ADCK1: variants seen among roughly 807,000 people sequenced by gnomAD.
ADCK1 encodes aarF domain-containing protein kinase 1.
In ADCK1, 41 loss-of-function variants were observed where a neutral mutation model predicts 52.3. That is an observed-to-expected ratio of 0.78 (90% CI 0.61 to 1.02). The LOEUF (loss-of-function observed/expected upper bound fraction) is 1.02. Ranked by LOEUF, ADCK1 falls within the 50% of genes least tolerant of loss-of-function variation. ADCK1 has a pLI of 0.00. For synonymous variants in ADCK1, 250 were observed against 274.6 expected, an observed-to-expected ratio of 0.91 and a Z score of 0.89; for missense variants, 658 against 679.5, an observed-to-expected ratio of 0.97 and a Z score of 0.35.
chr14:77,861,067 G>A (rs1273788455), intron 4 of ADCK1, among the ~76,000 whole-genome samples: 2 of 152,118 alleles, frequency 1.3e-5, no homozygotes, highest in Non-Finnish European at 2.9e-5. Flanking sequence ...GGAAGACGTC[G>A]CCTGATCTTC....
At chr14:77,900,323 A>C (rs573967212) in intron 6 of ADCK1, among the ~76,000 whole-genome samples, 2 of 152,140 alleles carry the variant, frequency 1.3e-5, no homozygotes, top group East Asian at 3.9e-4. Flanking sequence ...ATGGTGGCTG[A>C]TGGCAGTAAT....
chr14:77,913,425 TTGTGTC>T (rs1281729535), intron 7 of ADCK1, among the ~76,000 whole-genome samples: 1 of 152,176 alleles, frequency 6.6e-6, no homozygotes, highest in East Asian at 1.9e-4. Context: ...CCTCATTTGT[TTGTGTC>T]TGTGAGCCCA....
intron 4 of ADCK1, among the ~76,000 whole-genome samples, chr14:77,871,682 TG>T (rs1206279760): frequency 6.6e-6 from 1 of 152,108 alleles, no homozygotes; most frequent in East Asian, 1.9e-4. Flanking sequence ...TCCTGAGACT[TG>T]GAAGTCCCAG....
chr14:77,825,339 G>A (rs1431656848), intron 3 of ADCK1, among the ~76,000 whole-genome samples: 1 of 151,904 alleles, frequency 6.6e-6, no homozygotes, highest in African/African-American at 2.4e-5. Context: ...TTAATAGTTA[G>A]AAGACCCGAG....
At chr14:77,845,213 G>C (rs188979138) in intron 3 of ADCK1, among the ~76,000 whole-genome samples, 2 of 152,160 alleles carry the variant, frequency 1.3e-5, no homozygotes, top group Non-Finnish European at 2.9e-5. Context: ...TTAGACTGCC[G>C]GGATTCAGAT....
At chr14:77,922,867 A>G (rs1454947046) in intron 7 of ADCK1, among the ~76,000 whole-genome samples, 1 of 152,208 alleles carries the variant, frequency 6.6e-6, no homozygotes, top group Non-Finnish European at 1.5e-5. Context: ...GGGGCAAATT[A>G]TAATTGATTG....
intron 1 of ADCK1, among the ~76,000 whole-genome samples, chr14:77,812,867 G>T (rs945804203): frequency 2.0e-5 from 3 of 152,074 alleles, no homozygotes; most frequent in Admixed American, 6.6e-5. Flanking sequence ...TGGGGTTACA[G>T]ATATGAGTCA....
At position 77,925,878 on chromosome 14, in the gene ADCK1, C is replaced by A. The variant is rs376101841; in HGVS notation, c.1123C>A (p.Pro375Thr). 3.1e-6 allele frequency: 5 copies of A among 1,614,194 alleles called. No individual in the cohort carries two copies. In the Admixed American group the frequency reaches 8.3e-5, roughly 27 times the overall value. Residue 375 changes from proline to threonine, a missense_variant, in exon 9 of 11, where the codon CCC (proline) becomes ACC (threonine). Pro to Thr is a conservative substitution (Grantham distance 38). Transcript: ENST00000238561. ...GCGACTGGGAGCCGGGGATCTCTACCCCTTGTTTGCCTGCATGCTGACGGC... is the reference window on the plus strand; with the variant it reads ...GCGACTGGGAGCCGGGGATCTCTACACCTTGTTTGCCTGCATGCTGACGGC... Reference protein sequence around the residue: ...SQRLGAGDLYPLFACMLTARS... With the variant: ...SQRLGAGDLYTLFACMLTARS...
chr14:77,810,676 GC>G (rs1035475786), intron 1 of ADCK1, among the ~76,000 whole-genome samples: 1 of 151,836 alleles, frequency 6.6e-6, no homozygotes, highest in African/African-American at 2.4e-5. Context: ...GACTACAGGC[GC>G]CCCCCATCAC....
chr14:77,863,176 G>A (rs1247372067), intron 4 of ADCK1, among the ~76,000 whole-genome samples: 3 of 152,170 alleles, frequency 2.0e-5, no homozygotes, highest in African/African-American at 7.2e-5. Flanking sequence ...GTGAGTCTGA[G>A]GGAGAGGAGG....
chr14:77,829,792 A>G (rs1191980117), intron 3 of ADCK1, among the ~76,000 whole-genome samples: 1 of 151,426 alleles, frequency 6.6e-6, no homozygotes, highest in African/African-American at 2.4e-5. Flanking sequence ...ATTCATGAGC[A>G]GAGACAATGG....
chr14:77,907,065 C>T (rs1463547995), intron 6 of ADCK1, among the ~76,000 whole-genome samples: 3 of 152,090 alleles, frequency 2.0e-5, no homozygotes, highest in African/African-American at 7.2e-5. Context: ...AGGCACGCAC[C>T]ACTATGCCTG....
chr14:77,892,431 T>C (rs941824054), intron 5 of ADCK1, among the ~76,000 whole-genome samples: 4 of 152,112 alleles, frequency 2.6e-5, no homozygotes, highest in Admixed American at 1.3e-4. Flanking sequence ...TTATCTCACA[T>C]GTGAAGATGT....
chr14:77,802,910 C>T (rs1310204670), intron 1 of ADCK1, among the ~76,000 whole-genome samples: 14 of 151,996 alleles, frequency 9.2e-5, no homozygotes, highest in Admixed American at 2.0e-4. Flanking sequence ...GCCGAGATTG[C>T]GCCACTGCAC....
chr14:77,885,600 G>A (rs112751457), intron 4 of ADCK1, among the ~76,000 whole-genome samples: 2,692 of 152,294 alleles, frequency 0.018, 72 homozygotes, highest in African/African-American at 0.062. Context: ...TGTGGGTCAT[G>A]TGACATCTGA....
intron 3 of ADCK1, among the ~76,000 whole-genome samples, chr14:77,844,722 A>T (rs950113807): frequency 5.9e-5 from 9 of 152,226 alleles, no homozygotes; most frequent in Non-Finnish European, 1.0e-4. Flanking sequence ...AGAGACAATA[A>T]TCTACTTGGA....
intron 6 of ADCK1, 100 bp downstream of exon 6, chr14:77,899,358 A>G (rs1227748878): frequency 3.4e-6 from 5 of 1,474,206 alleles, no homozygotes; most frequent in Non-Finnish European, 3.7e-6. Context: ...CATAATTGGG[A>G]CATCTTCTTC....
chr14:77,933,496 C>G lies in ADCK1; in HGVS notation c.*105C>G. ...TTTTGCCACATCGTGGCCCGCAGCC[C>G]CAGAGTCACTGTCCATGTCACCATC... On this transcript the variant is annotated 3_prime_UTR_variant, in exon 11 of 11. Coordinates refer to ENST00000238561, the MANE Select transcript of ADCK1 (RefSeq NM_020421.4). The G allele has an allele frequency of 2.9e-6, 4 of 1,389,660 alleles. No homozygotes were observed. Among genetic ancestry groups the G allele is most frequent in the Non-Finnish European group, 4.0e-6 (4 of 993,130 alleles). 86.1% of individuals were successfully genotyped at this position (1,389,660 alleles called of 1,614,324 possible). A position where few individuals can be genotyped will look rare whatever the true frequency, so the allele number is the denominator to read the frequency against.
At chr14:77,815,264 C>T (rs1433263374) in intron 1 of ADCK1, among the ~76,000 whole-genome samples, 2 of 146,552 alleles carry the variant, frequency 1.4e-5, no homozygotes, top group South Asian at 2.1e-4. Context: ...AATGCAGTGG[C>T]GTGATCATGG....
Sources: allele counts gnomAD v4.1 joint callset (sites outside exome capture counted in the v4.1 genomes callset), GRCh38; gene constraint gnomAD v4.1.1; transcripts MANE v1.5; gene names NCBI Gene and HGNC (gene_info 2026-07-23, HGNC 2026-07-21).